BMAL2: variants seen among roughly 807,000 people sequenced by gnomAD.
BMAL2 encodes the protein basic helix-loop-helix ARNT like 2.
the BMAL2 span, among the ~76,000 whole-genome samples, chr12:27,414,987 C>A: frequency 6.6e-6 from 1 of 152,044 alleles, no homozygotes; most frequent in Non-Finnish European, 1.5e-5. Context: ...AAACATACTG[C>A]ATCATCTCTC....
the BMAL2 span, chr12:27,403,469 T>A: frequency 6.2e-7 from 1 of 1,611,324 alleles, no homozygotes; most frequent in East Asian, 2.2e-5. Context: ...GTACCTGGAA[T>A]GTCTACTGGA....
chr12:27,374,345 TAAC>T, the BMAL2 span, among the ~76,000 whole-genome samples: 2 of 152,184 alleles, frequency 1.3e-5, no homozygotes, highest in Non-Finnish European at 2.9e-5. Context: ...CAATACCATA[TAAC>T]AACAATTTAC....
the BMAL2 span, chr12:27,380,547 C>T: frequency 1.1e-6 from 1 of 907,932 alleles, no homozygotes; most frequent in East Asian, 2.6e-5. Context: ...TGGCATTTGT[C>T]TATAGTCTGT....
chr12:27,388,765 A>G, the BMAL2 span, among the ~76,000 whole-genome samples: 91 of 152,196 alleles, frequency 6.0e-4, no homozygotes, highest in Non-Finnish European at 1.1e-3. Context: ...ATAGTATGGT[A>G]ATTTTTTAAA....
chr12:27,366,317 T>C, the BMAL2 span, among the ~76,000 whole-genome samples: 1 of 152,180 alleles, frequency 6.6e-6, no homozygotes, highest in African/African-American at 2.4e-5. Flanking sequence ...ATATGTCTAT[T>C]ATATGAAGCT....
chr12:27,343,321 G>A, the BMAL2 span, among the ~76,000 whole-genome samples: 55 of 152,318 alleles, frequency 3.6e-4, no homozygotes, highest in African/African-American at 1.3e-3. Context: ...TCGCCATTCA[G>A]TGAAAAGATA....
the BMAL2 span, among the ~76,000 whole-genome samples, chr12:27,333,328 G>C: frequency 6.6e-6 from 1 of 152,022 alleles, no homozygotes; most frequent in Non-Finnish European, 1.5e-5. Context: ...AGCGGGACGC[G>C]GGGAGGGGAG....
the BMAL2 span, chr12:27,418,183 T>C: frequency 1.2e-6 from 2 of 1,608,938 alleles, no homozygotes; most frequent in Admixed American, 1.7e-5. Flanking sequence ...TCCACAGCCA[T>C]GAGCCACTCC....
At chr12:27,344,742 A>G in the BMAL2 span, among the ~76,000 whole-genome samples, 2 of 152,244 alleles carry the variant, frequency 1.3e-5, no homozygotes, top group Non-Finnish European at 2.9e-5. Context: ...GTTTGACACA[A>G]TAACTGAGGA....
At chr12:27,400,223 A>G in the BMAL2 span, among the ~76,000 whole-genome samples, 2 of 152,180 alleles carry the variant, frequency 1.3e-5, no homozygotes, top group Non-Finnish European at 2.9e-5. Context: ...GTAAATTACT[A>G]TAATTTTAAA....
At chr12:27,352,524 C>T in the BMAL2 span, among the ~76,000 whole-genome samples, 1 of 152,138 alleles carries the variant, frequency 6.6e-6, no homozygotes, top group Non-Finnish European at 1.5e-5. Context: ...GATGCCCACT[C>T]TCACCACTCC....
At chr12:27,362,664 T>C in the BMAL2 span, among the ~76,000 whole-genome samples, 1 of 152,210 alleles carries the variant, frequency 6.6e-6, no homozygotes, top group Non-Finnish European at 1.5e-5. Flanking sequence ...AAAAAAAATT[T>C]CTAAAAAACC....
chr12:27,400,231 A>T, the BMAL2 span, among the ~76,000 whole-genome samples: 1 of 152,202 alleles, frequency 6.6e-6, no homozygotes, highest in South Asian at 2.1e-4. Flanking sequence ...CTATAATTTT[A>T]AAAATTGACT....
At chr12:27,355,928 A>G in the BMAL2 span, among the ~76,000 whole-genome samples, 1 of 152,194 alleles carries the variant, frequency 6.6e-6, no homozygotes, top group Non-Finnish European at 1.5e-5. Context: ...ATTAATCTTA[A>G]CCATCCTCAG....
At chr12:27,333,255 G>A in the BMAL2 span, 1 of 780,660 alleles carries the variant, frequency 1.3e-6, no homozygotes, top group Non-Finnish European at 1.7e-6. Flanking sequence ...TCCGAGGGGC[G>A]GTGGGACAAG....
the BMAL2 span, among the ~76,000 whole-genome samples, chr12:27,386,354 C>A: frequency 6.6e-6 from 1 of 152,188 alleles, no homozygotes; most frequent in East Asian, 1.9e-4. Flanking sequence ...GCAGAGCATG[C>A]CCAGCAAGAG....
chr12:27,353,075 A>C, the BMAL2 span, among the ~76,000 whole-genome samples: 2 of 152,236 alleles, frequency 1.3e-5, no homozygotes, highest in African/African-American at 4.8e-5. Context: ...TTAGAAAAAA[A>C]CGATTCCAAA....
At chr12:27,420,526 C>A in the BMAL2 span, 1 of 1,559,112 alleles carries the variant, frequency 6.4e-7, no homozygotes, top group Non-Finnish European at 8.6e-7. Context: ...TCCAGTGGAC[C>A]CTCTAGCCTT....
chr12:27,370,968 G>A, the BMAL2 span, among the ~76,000 whole-genome samples: 8 of 152,168 alleles, frequency 5.3e-5, no homozygotes, highest in Non-Finnish European at 1.2e-4. Flanking sequence ...AACATTTATT[G>A]GGTTGCTACT....
Sources: allele counts gnomAD v4.1 joint callset (sites outside exome capture counted in the v4.1 genomes callset), GRCh38; gene constraint gnomAD v4.1.1; transcripts MANE v1.5; gene names NCBI Gene and HGNC (gene_info 2026-07-23, HGNC 2026-07-21).